Variants in RENBP observed in about 807,000 individuals in gnomAD.
RENBP encodes the protein N-acylglucosamine 2-epimerase.
Under a neutral mutation model 37.8 loss-of-function variants are expected in RENBP, and 16 were observed. The ratio of observed to expected loss-of-function variants is 0.42; its 90% CI spans 0.29 to 0.64. The LOEUF (loss-of-function observed/expected upper bound fraction) is 0.64, where lower values mean the gene tolerates loss of function less well. RENBP is among the 30% of genes least tolerant of loss of function. RENBP has a pLI of 0.19. For synonymous variants in RENBP, 170 were observed against 154.8 expected (o/e 1.10, Z -0.73); for missense variants, 347 against 379.5 (o/e 0.91, Z 0.71).
chrX:153,943,829 C>T, intron 4 of RENBP, 66 bp downstream of exon 4: 1 of 1,166,937 alleles, frequency 8.6e-7, no homozygotes, highest in Non-Finnish European at 1.2e-6. Flanking sequence ...AGGAACTCCG[C>T]ACATGTGCCC....
At chrX:153,939,184 C>T (rs1225898601) in intron 9 of RENBP, among the ~76,000 whole-genome samples, 2 of 110,843 alleles carry the variant, frequency 1.8e-5, no homozygotes, top group African/African-American at 6.6e-5. Flanking sequence ...TCAAACTGGG[C>T]TTAAGCAGTC....
intron 8 of RENBP, 33 bp downstream of exon 8, chrX:153,941,445 G>T (rs782221364): frequency 8.3e-7 from 1 of 1,203,620 alleles, no homozygotes; most frequent in Middle Eastern, 2.3e-4. Flanking sequence ...TTAGAACAGC[G>T]TGGGTCACAC....
rs2065226381 is a variant in RENBP, at chrX:153,941,593, T to G, written c.830A>C (p.Glu277Ala). Residue 277 changes from glutamate (E) to alanine (A), a missense_variant, in exon 8 of 11, where the codon GAA (glutamate) becomes GCA (alanine). Glu to Ala is a moderately radical substitution (Grantham distance 107, BLOSUM62 -1). Coordinates refer to ENST00000393700, the MANE Select transcript of RENBP (RefSeq NM_002910.6). ...CTTGTCAATCACGTGGGCTCGAAGT[T>G]CGGGGTCGCCTTTCCGAATGCAATG... ...LRHCIRKGDP[E>A]LRAHVIDKFL... is the part of the protein sequence containing the mutation. The G allele has an allele frequency of 1.2e-5, 14 of 1,207,083 alleles. No homozygotes were observed. The Middle Eastern group carries it at 3.0e-3, about 258-fold the overall frequency.
chrX:153,939,599 A>G (rs1311674511), intron 9 of RENBP, among the ~76,000 whole-genome samples: 1 of 110,540 alleles, frequency 9.0e-6, no homozygotes, highest in Admixed American at 9.6e-5. Context: ...GACTTCCCCC[A>G]TAACACCCTC....
Position 153,935,558 on chromosome X carries a change from C to T in RENBP, c.1096G>A (p.Gly366Arg). ...TFRQFRDPEY[G>R]EWFGYLSREG... is the part of the protein sequence containing the mutation. ...CGGCTCAGGTAGCCAAACCATTCCC[C>T]GTACTCGGGATCGCGAAACTGGAAT... Residue 366 changes from glycine (G) to arginine (R), a missense_variant, in exon 10 of 11, where the codon GGG becomes AGG. Physicochemically the swap from Gly to Arg is moderately radical, Grantham distance 125. Coordinates refer to ENST00000393700, the MANE Select transcript of RENBP (RefSeq NM_002910.6). 2 of 1,210,072 alleles carry T rather than the reference C, an allele frequency of 1.7e-6. No homozygotes were observed. Among genetic ancestry groups the T allele is most frequent in the East Asian group, 3.0e-5 (1 of 33,834 alleles).
chrX:153,941,822 G>C, intron 7 of RENBP, 128 bp downstream of exon 7: 2 of 760,688 alleles, frequency 2.6e-6, no homozygotes, highest in Non-Finnish European at 4.0e-6. Context: ...CCCAGCCTTG[G>C]GAAGCCCATC....
In RENBP at chrX:153,941,470, T is replaced by C; in HGVS notation, c.945+8A>G. ...GTGGGTCACACATGGCCCTGGGCGC[T>C]CTCCCACCTGGGTGGGGCAGAAGTT... On this transcript the variant is annotated splice_region_variant and intron_variant, in intron 8 of 10. Transcript: ENST00000393700. 1 of 1,209,224 alleles carries C rather than the reference T, an allele frequency of 8.3e-7. No individual in the cohort carries two copies. The highest frequency in any genetic ancestry group is 1.1e-6 in the Non-Finnish European group (1 of 894,398).
chrX:153,940,914 C>T (rs782550348), intron 8 of RENBP, among the ~76,000 whole-genome samples: 1 of 111,040 alleles, frequency 9.0e-6, no homozygotes, highest in Non-Finnish European at 1.9e-5. Flanking sequence ...CTGAGGCGGG[C>T]GGATCACCTG....
chrX:153,935,618 C>G (rs1488743283), intron 9 of RENBP, 42 bp from the exon 10 acceptor site: 1 of 1,061,925 alleles, frequency 9.4e-7, no homozygotes, highest in African/African-American at 1.8e-5. Flanking sequence ...CTGCAGGACC[C>G]GCCCAGATGC....
chrX:153,937,602 C>T (rs1340228928), intron 9 of RENBP, among the ~76,000 whole-genome samples: 1 of 109,753 alleles, frequency 9.1e-6, no homozygotes, highest in African/African-American at 3.3e-5. Flanking sequence ...CCACCAAGCC[C>T]GGCTAATTTA....
At chrX:153,943,503 G>T (rs1557109952) in intron 5 of RENBP, 43 bp downstream of exon 5, 2 of 1,161,855 alleles carry the variant, frequency 1.7e-6, no homozygotes, top group Admixed American at 4.5e-5. Flanking sequence ...GCCATGGCAG[G>T]GTCGCAGGGT....
intron 9 of RENBP, among the ~76,000 whole-genome samples, chrX:153,937,589 C>T (rs1000757603): frequency 1.8e-5 from 2 of 109,977 alleles, no homozygotes; most frequent in Non-Finnish European, 3.8e-5. Flanking sequence ...TTACAGGCAC[C>T]CGCCACCAAG....
chrX:153,936,193 G>C (rs1400313454), intron 9 of RENBP: 1 of 111,978 alleles, frequency 8.9e-6, no homozygotes, highest in Non-Finnish European at 1.8e-5. Context: ...GATTGTAGTC[G>C]TGGTTACGTT....
chrX:153,936,002 A>C, intron 9 of RENBP: 1 of 209,193 alleles, frequency 4.8e-6, no homozygotes, highest in Non-Finnish European at 8.8e-6. Flanking sequence ...GGTGGCACGC[A>C]CTTGTAATCC....
chrX:153,941,786 T>C, intron 7 of RENBP, 133 bp from the exon 8 acceptor site: 1 of 735,625 alleles, frequency 1.4e-6, no homozygotes, highest in Admixed American at 3.1e-5. Context: ...TCCCTGGCCC[T>C]GGAAGCCTGC....
chrX:153,944,323 G>C lies in RENBP; in HGVS notation c.123C>G (p.His41Gln). Residue 41 changes from histidine (H) to glutamine (Q), a missense_variant, in exon 2 of 11, where the codon CAC (histidine) becomes CAG (glutamine). By Grantham distance (24) the His-to-Gln change is conservative. Coordinates refer to ENST00000393700, the MANE Select transcript of RENBP (RefSeq NM_002910.6). ...RVVAFWMEHSHDQEHGGFFTC... is the reference protein window; with the variant it reads ...RVVAFWMEHSQDQEHGGFFTC... ...ACGCCGAGTACCCGTGCTCCTGGTCGTGGGAGTGCTCCATCCAGAAAGCCA... is the reference window on the plus strand; with the variant it reads ...ACGCCGAGTACCCGTGCTCCTGGTCCTGGGAGTGCTCCATCCAGAAAGCCA... 1 of 1,210,390 alleles carries C rather than the reference G, an allele frequency of 8.3e-7. No homozygotes were observed. Among genetic ancestry groups the C allele is most frequent in the African/African-American group, 1.7e-5 (1 of 57,848 alleles).
intron 4 of RENBP, 42 bp from the exon 5 acceptor site, chrX:153,943,760 C>T (rs1489466631): frequency 2.4e-5 from 29 of 1,188,880 alleles, no homozygotes; most frequent in African/African-American, 5.3e-5. Context: ...AAGGCCAGGA[C>T]GCCCCGCACA....
Position 153,944,352 on chromosome X carries a change from C to A in RENBP, c.94G>T (p.Val32Leu), listed in dbSNP as rs782300545. Residue 32 changes from valine (V) to leucine (L), a missense_variant, in exon 2 of 11, where the codon GTG (valine) becomes TTG (leucine). Physicochemically the swap from Val to Leu is conservative, Grantham distance 32 (BLOSUM62 1). Around this residue, in one of 3 missense-constraint regions of RENBP, gnomAD observed 244 missense variants for 279.4 expected, o/e 0.87. Transcript: ENST00000393700. ...GAGTGCTCCATCCAGAAAGCCACCACGCGGTCCAGCTCCTGCCCCACGCGC... is the reference window on the plus strand; with the variant it reads ...GAGTGCTCCATCCAGAAAGCCACCAAGCGGTCCAGCTCCTGCCCCACGCGC... ...KERVGQELDR[V>L]VAFWMEHSHD... 13 of 1,209,974 alleles carry A rather than the reference C, an allele frequency of 1.1e-5. No homozygotes were observed. Among genetic ancestry groups the A allele is most frequent in the Non-Finnish European group, 1.3e-5 (12 of 894,990 alleles).
chrX:153,941,829 C>T (rs1343074009), intron 7 of RENBP, 121 bp downstream of exon 7: 1 of 769,655 alleles, frequency 1.3e-6, no homozygotes, highest in Admixed American at 2.6e-5. Flanking sequence ...TTGGGAAGCC[C>T]ATCCTCGCTC....
Sources: allele counts gnomAD v4.1 joint callset (sites outside exome capture counted in the v4.1 genomes callset), GRCh38; gene constraint gnomAD v4.1.1; regional missense constraint gnomAD v4.1.1; transcripts MANE v1.5; gene names NCBI Gene and HGNC (gene_info 2026-07-23, HGNC 2026-07-21).